CTNND2: variants seen among roughly 807,000 people sequenced by gnomAD.
CTNND2 encodes the protein catenin delta 2.
A neutral mutation model predicts 144.4 loss-of-function variants in CTNND2; 22 were observed. The observed-to-expected ratio is 0.15, with a 90% CI of 0.11 to 0.22. CTNND2 has a LOEUF of 0.22. Among genes scored for constraint, CTNND2 ranks in the 10% least tolerant of loss-of-function variants. CTNND2 has a pLI of 1.00. For synonymous variants in CTNND2, 751 were observed against 695.6 expected (o/e 1.08, Z -1.25); for missense variants, 1,353 against 1,618.8 (o/e 0.84, Z 2.82).
chr5:11,281,168 T>C (rs1221807142), intron 9 of CTNND2, among the ~76,000 whole-genome samples: 1 of 152,180 alleles, frequency 6.6e-6, no homozygotes, highest in Non-Finnish European at 1.5e-5. Context: ...GCTCCTTGGG[T>C]AAATGGTTTC....
intron 16 of CTNND2, among the ~76,000 whole-genome samples, chr5:11,054,656 C>A (rs1428086507): frequency 6.6e-6 from 1 of 152,062 alleles, no homozygotes; most frequent in African/African-American, 2.4e-5. Context: ...CTGGGCACTG[C>A]TGAAACTGAA....
At chr5:11,650,134 C>T (rs989808005) in intron 2 of CTNND2, among the ~76,000 whole-genome samples, 1 of 152,132 alleles carries the variant, frequency 6.6e-6, no homozygotes, top group African/African-American at 2.4e-5. Flanking sequence ...ATGATTGGAT[C>T]GTGGGGGTGA....
At chr5:11,787,028 T>C (rs1321782021) in intron 1 of CTNND2, among the ~76,000 whole-genome samples, 3 of 152,190 alleles carry the variant, frequency 2.0e-5, no homozygotes, top group Non-Finnish European at 4.4e-5. Flanking sequence ...CCTCCAGACC[T>C]GGAGTCGGCA....
chr5:11,388,862 A>G (rs1317342938), intron 6 of CTNND2, among the ~76,000 whole-genome samples: 3 of 152,218 alleles, frequency 2.0e-5, no homozygotes, highest in African/African-American at 7.2e-5. Flanking sequence ...TTCTACCTTA[A>G]AAGTATGTTA....
intron 3 of CTNND2, among the ~76,000 whole-genome samples, chr5:11,421,720 C>A (rs1762382468): frequency 6.6e-6 from 1 of 152,110 alleles, no homozygotes; most frequent in Non-Finnish European, 1.5e-5. Flanking sequence ...ACCACAAACT[C>A]TTGGTGAGTG....
rs762302358 is a variant in CTNND2, at chr5:10,981,858, A to G, written c.3344-12T>C. On this transcript the variant is annotated splice_polypyrimidine_tract_variant and intron_variant, in intron 20 of 21. Transcript: ENST00000304623. Reference sequence around the variant, plus strand: ...TCCAGTGTTTTGAGCTAAAAGCAAAAGGAAAACAAAAGTTTAGCAAAGAAA... The same window carrying G: ...TCCAGTGTTTTGAGCTAAAAGCAAAGGGAAAACAAAAGTTTAGCAAAGAAA... 3.1e-6 allele frequency: 5 copies of G among 1,608,874 alleles called. No homozygotes were observed. The South Asian group carries it at 5.5e-5, about 18-fold the overall frequency.
In CTNND2 at chr5:11,520,453, G is replaced by A. The variant is rs1191935463; in HGVS notation, c.287+44491C>T. ...GATTTAGCCACTCTCTCAATGAGCA[G>A]GAATGCCAAAACTCATGGGGGCAGA... On this transcript the variant is annotated intron_variant, in intron 3 of 21. Coordinates refer to ENST00000304623, the MANE Select transcript of CTNND2 (RefSeq NM_001332.4). 2.0e-5 allele frequency among the ~76,000 whole-genome samples: 3 copies of A among 152,236 alleles called. No individual in the cohort carries two copies. In the East Asian group the frequency reaches 5.8e-4, roughly 29 times the overall value.
intron 11 of CTNND2, among the ~76,000 whole-genome samples, chr5:11,163,232 C>A (rs1271272258): frequency 6.6e-6 from 1 of 152,166 alleles, no homozygotes; most frequent in East Asian, 1.9e-4. Context: ...TCCCTCCAAA[C>A]CCTCTCTCAG....
chr5:11,358,680 G>A (rs1756147799), intron 8 of CTNND2, among the ~76,000 whole-genome samples: 1 of 152,136 alleles, frequency 6.6e-6, no homozygotes, highest in South Asian at 2.1e-4. Context: ...TGAATATGCA[G>A]GTCCTATGTA....
intron 8 of CTNND2, among the ~76,000 whole-genome samples, chr5:11,360,188 T>C (rs560763655): frequency 2.6e-5 from 4 of 152,090 alleles, no homozygotes; most frequent in East Asian, 3.9e-4. Flanking sequence ...AAAAGAGAGA[T>C]GAAGAAGGAA....
chr5:11,113,556 C>T lies in CTNND2; in HGVS notation c.2278-2513G>A, dbSNP rs542990523. The stretch of plus-strand genomic sequence containing the variant: ...TTTTGACTACAGGAACCATGGAAAG[C>T]GGAGAAAAATATCCAATTTTAGAAG... On this transcript the variant is annotated intron_variant, in intron 13 of 21. Coordinates refer to ENST00000304623, the MANE Select transcript of CTNND2 (RefSeq NM_001332.4). 4.0e-5 allele frequency among the ~76,000 whole-genome samples: 6 copies of T among 151,740 alleles called. No individual in the cohort carries two copies. In the South Asian group the frequency reaches 8.3e-4, roughly 21 times the overall value.
chr5:11,448,027 C>T (rs1261331526), intron 3 of CTNND2, among the ~76,000 whole-genome samples: 1 of 152,094 alleles, frequency 6.6e-6, no homozygotes, highest in Non-Finnish European at 1.5e-5. Flanking sequence ...AAGCCTTGGG[C>T]AAGTGTTCTG....
intron 3 of CTNND2, among the ~76,000 whole-genome samples, chr5:11,470,094 T>G (rs1391528621): frequency 1.3e-5 from 2 of 152,196 alleles, no homozygotes; most frequent in Non-Finnish European, 2.9e-5. Context: ...CCCCTCCTTC[T>G]TTATAAAACA....
chr5:11,700,262 A>T (rs1785365420), intron 2 of CTNND2, among the ~76,000 whole-genome samples: 1 of 151,974 alleles, frequency 6.6e-6, no homozygotes, highest in African/African-American at 2.4e-5. Flanking sequence ...GCTTGGGGGC[A>T]CACTGTAGTT....
chr5:11,200,224 A>G (rs1299725277), intron 10 of CTNND2, among the ~76,000 whole-genome samples: 1 of 152,226 alleles, frequency 6.6e-6, no homozygotes, highest in East Asian at 1.9e-4. Flanking sequence ...GTGTGAGGCC[A>G]AGGCACGTTA....
At chr5:11,214,815 T>A (rs915790619) in intron 10 of CTNND2, among the ~76,000 whole-genome samples, 1 of 152,192 alleles carries the variant, frequency 6.6e-6, no homozygotes, top group Non-Finnish European at 1.5e-5. Context: ...TTCTCTTCCA[T>A]CATGCAGGTG....
intron 11 of CTNND2, among the ~76,000 whole-genome samples, chr5:11,162,708 A>T (rs533436074): frequency 6.8e-6 from 1 of 146,740 alleles, no homozygotes; most frequent in African/African-American, 2.4e-5. Flanking sequence ...TTGAGGGGGA[A>T]TTCAGCAAAC....
chr5:11,536,900 T>A (rs989104246), intron 3 of CTNND2, among the ~76,000 whole-genome samples: 25 of 152,120 alleles, frequency 1.6e-4, no homozygotes, highest in Non-Finnish European at 2.8e-4. Flanking sequence ...AAAAAAGTTT[T>A]AATAAATAAA....
intron 18 of CTNND2, among the ~76,000 whole-genome samples, chr5:11,005,690 T>G (rs72729241): frequency 0.061 from 9,274 of 152,218 alleles, 350 homozygotes; most frequent in East Asian, 0.11. Flanking sequence ...GGAAGAAGAA[T>G]AGATTTAGGG....
Sources: allele counts gnomAD v4.1 joint callset (sites outside exome capture counted in the v4.1 genomes callset), GRCh38; gene constraint gnomAD v4.1.1; transcripts MANE v1.5; gene names NCBI Gene and HGNC (gene_info 2026-07-23, HGNC 2026-07-21).